The following ZBTB20 variants were observed in gnomAD, a reference collection of about 807,000 sequenced individuals.
ZBTB20 encodes zinc finger and BTB domain-containing protein 20.
Under a neutral mutation model 56.9 loss-of-function variants are expected in ZBTB20, and 9 were observed. That is an observed-to-expected ratio of 0.16 (90% CI 0.10 to 0.28). The LOEUF (loss-of-function observed/expected upper bound fraction) is 0.28. Ranked by LOEUF, ZBTB20 falls within the 10% of genes least tolerant of loss-of-function variation. ZBTB20 has a pLI of 1.00. For synonymous variants in ZBTB20, 417 were observed against 420.7 expected (o/e 0.99, Z 0.11); for missense variants, 655 against 1,003.0 (o/e 0.65, Z 4.69).
intron 4 of ZBTB20, among the ~76,000 whole-genome samples, chr3:114,824,051 C>T (rs892562899): frequency 6.6e-6 from 1 of 151,854 alleles, no homozygotes; most frequent in Admixed American, 6.6e-5. Flanking sequence ...TTGTGAAATT[C>T]CACTGGGGTA....
chr3:115,134,387 G>A (rs1428951484), intron 1 of ZBTB20, among the ~76,000 whole-genome samples: 2 of 152,108 alleles, frequency 1.3e-5, no homozygotes, highest in Non-Finnish European at 2.9e-5. Flanking sequence ...TTTCTTAGCA[G>A]CCAAGTGCAG....
At chr3:114,926,321 A>G (rs2076155985) in intron 3 of ZBTB20, among the ~76,000 whole-genome samples, 1 of 152,222 alleles carries the variant, frequency 6.6e-6, no homozygotes, top group Non-Finnish European at 1.5e-5. Flanking sequence ...CTCTAGTCTT[A>G]TCCATTCTCC....
At chr3:114,776,863 C>T (rs952624724) in intron 5 of ZBTB20, among the ~76,000 whole-genome samples, 2 of 152,082 alleles carry the variant, frequency 1.3e-5, no homozygotes, top group African/African-American at 4.8e-5. Flanking sequence ...TGCACAAGGG[C>T]ATTCAACAGA....
At chr3:115,142,492 C>A (rs1470096807) in intron 1 of ZBTB20, among the ~76,000 whole-genome samples, 1 of 152,014 alleles carries the variant, frequency 6.6e-6, no homozygotes, top group Non-Finnish European at 1.5e-5. Flanking sequence ...GAAACCCTGT[C>A]TCTACTAAAA....
chr3:114,412,046 A>G (rs1418845403), intron 7 of ZBTB20, among the ~76,000 whole-genome samples: 1 of 152,158 alleles, frequency 6.6e-6, no homozygotes, highest in Non-Finnish European at 1.5e-5. Flanking sequence ...CAACTTCAGT[A>G]CAAGCAAGTA....
intron 6 of ZBTB20, among the ~76,000 whole-genome samples, chr3:114,563,384 A>C (rs1281287799): frequency 1.3e-5 from 2 of 152,218 alleles, no homozygotes; most frequent in South Asian, 4.1e-4. Context: ...GCATAACTCT[A>C]AAATGTATTA....
intron 3 of ZBTB20, among the ~76,000 whole-genome samples, chr3:114,921,721 G>A (rs1009235358): frequency 4.5e-4 from 55 of 120,920 alleles, no homozygotes; most frequent in Admixed American, 2.3e-3. Context: ...TTTTGGGGTG[G>A]GGGGAGGGGG....
intron 6 of ZBTB20, among the ~76,000 whole-genome samples, chr3:114,609,679 A>G (rs1285186855): frequency 6.6e-6 from 1 of 152,154 alleles, no homozygotes; most frequent in Non-Finnish European, 1.5e-5. Flanking sequence ...CTTGGAGCAC[A>G]ATAATTTTTT....
intron 3 of ZBTB20, among the ~76,000 whole-genome samples, chr3:114,946,008 C>T (rs919352296): frequency 2.1e-5 from 3 of 145,330 alleles, no homozygotes; most frequent in Non-Finnish European, 3.0e-5. Flanking sequence ...ATAACATAAG[C>T]TTAAAATGTA....
At chr3:114,651,772 C>T (rs371951326) in intron 6 of ZBTB20, among the ~76,000 whole-genome samples, 1 of 151,998 alleles carries the variant, frequency 6.6e-6, no homozygotes, top group Non-Finnish European at 1.5e-5. Flanking sequence ...CTTGCCCAAG[C>T]GTTCGACTGT....
intron 10 of ZBTB20, among the ~76,000 whole-genome samples, chr3:114,366,026 C>A (rs1051246896): frequency 1.3e-5 from 2 of 152,182 alleles, no homozygotes; most frequent in East Asian, 3.9e-4. Flanking sequence ...ATTCTCCCCA[C>A]AACATTCATT....
chr3:114,484,005 CTT>C (rs2041840467), intron 7 of ZBTB20, among the ~76,000 whole-genome samples: 1 of 152,030 alleles, frequency 6.6e-6, no homozygotes, highest in South Asian at 2.1e-4. Context: ...GCTGCTTACT[CTT>C]TGCACAAATG....
intron 1 of ZBTB20, among the ~76,000 whole-genome samples, chr3:115,095,283 A>G (rs1005299141): frequency 3.9e-5 from 6 of 152,176 alleles, no homozygotes; most frequent in African/African-American, 4.8e-5. Flanking sequence ...CTTGAAAGTC[A>G]GTAGCCAGCT....
chr3:114,351,337 G>T lies in ZBTB20; in HGVS notation c.741C>A (p.Leu247=), dbSNP rs1275744039. Residue 247 remains leucine (L), a synonymous_variant, in exon 11 of 12, where the codon CTC becomes CTA. Transcript: ENST00000675478. ...QHSVDRIYSA[L]YACSMQNGSG... ...TGCCATTCTGCATGGAGCACGCGTA[G>T]AGTGCCGAGTAGATCCTGTCCACGC... is the stretch of plus-strand genomic sequence containing the variant. The T allele has an allele frequency of 6.2e-7, 1 of 1,609,104 alleles. No homozygotes were observed. The highest frequency in any genetic ancestry group is 8.5e-7 in the Non-Finnish European group (1 of 1,179,078).
At chr3:114,859,092 T>G (rs1276108267) in intron 4 of ZBTB20, among the ~76,000 whole-genome samples, 3 of 152,014 alleles carry the variant, frequency 2.0e-5, no homozygotes, top group African/African-American at 7.3e-5. Flanking sequence ...AAAATATTTT[T>G]TAAAAAAACA....
chr3:114,832,395 T>A (rs1289952190), intron 4 of ZBTB20, among the ~76,000 whole-genome samples: 1 of 152,074 alleles, frequency 6.6e-6, no homozygotes, highest in African/African-American at 2.4e-5. Flanking sequence ...CCAGTACTCC[T>A]CATATACTTT....
Position 114,681,964 on chromosome 3 carries a change from G to A in ZBTB20, c.-295+11564C>T, listed in dbSNP as rs182976637. 3.2e-3 allele frequency among the ~76,000 whole-genome samples: 483 copies of A among 152,240 alleles called. 2 individuals are homozygous for A. Among genetic ancestry groups the A allele is most frequent in the Non-Finnish European group, 4.7e-3 (319 of 68,008 alleles). ...AAGCACATGGCATGGCACAGAGTAGGTCTTCATTAAATGTTAGTTTCTGTT... is the reference window on the plus strand; with the variant it reads ...AAGCACATGGCATGGCACAGAGTAGATCTTCATTAAATGTTAGTTTCTGTT... On this transcript the variant is annotated intron_variant, in intron 6 of 11. Coordinates refer to ENST00000675478, the MANE Select transcript of ZBTB20 (RefSeq NM_001348800.3).
At chr3:114,602,830 T>C (rs1008803766) in intron 6 of ZBTB20, among the ~76,000 whole-genome samples, 10 of 152,030 alleles carry the variant, frequency 6.6e-5, no homozygotes, top group Non-Finnish European at 1.5e-4. Flanking sequence ...GGACGAATTT[T>C]CTATAAAACT....
intron 6 of ZBTB20, among the ~76,000 whole-genome samples, chr3:114,662,085 T>C (rs2060766104): frequency 7.8e-6 from 1 of 127,826 alleles, no homozygotes; most frequent in Non-Finnish European, 1.6e-5. Flanking sequence ...CCCCAGAGTG[T>C]GGTATTCCCC....
Sources: allele counts gnomAD v4.1 joint callset (sites outside exome capture counted in the v4.1 genomes callset), GRCh38; gene constraint gnomAD v4.1.1; transcripts MANE v1.5; gene names NCBI Gene and HGNC (gene_info 2026-07-23, HGNC 2026-07-21).